NTRK3: variants seen among roughly 807,000 people sequenced by gnomAD.
The protein encoded by NTRK3 is NT-3 growth factor receptor.
NTRK3 carries 24 observed loss-of-function variants against 91.7 expected under a neutral mutation model. The ratio of observed to expected loss-of-function variants is 0.26; its 90% CI spans 0.19 to 0.37. The LOEUF is 0.37. Among genes scored for constraint, NTRK3 ranks in the 10% least tolerant of loss-of-function variants. The pLI is 1.00. For synonymous variants in NTRK3, 483 were observed against 404.0 expected (o/e 1.20, Z -2.34); for missense variants, 880 against 1,068.9 (o/e 0.82, Z 2.46).
chr15:88,050,232 C>T (rs987935411), intron 13 of NTRK3, among the ~76,000 whole-genome samples: 2 of 152,054 alleles, frequency 1.3e-5, no homozygotes, highest in African/African-American at 2.4e-5. Context: ...GCACGTGTGT[C>T]CCAGGCTATA....
Position 87,877,139 on chromosome 15 carries a change from C to A in NTRK3, c.2293-19G>T, listed in dbSNP as rs781034625. The stretch of plus-strand genomic sequence containing the variant: ...CAATGACCTGAAAGAGTGAGAAGAA[C>A]AAGGAAGTTACACCCAAAGCTCAGC... On this transcript the variant is annotated intron_variant, in intron 18 of 18. Coordinates refer to ENST00000394480, the Ensembl canonical transcript of NTRK3. 1.9e-5 allele frequency: 31 copies of A among 1,613,008 alleles called. No individual in the cohort carries two copies. The South Asian group carries it at 3.1e-4, about 16-fold the overall frequency.
chr15:88,244,531 G>C (rs1402766891), intron 3 of NTRK3, among the ~76,000 whole-genome samples: 1 of 150,566 alleles, frequency 6.6e-6, no homozygotes, highest in South Asian at 2.1e-4. Flanking sequence ...GAATCAAGCT[G>C]GTTTGCCATG....
At chr15:88,141,457 G>A (rs1403057421) in intron 6 of NTRK3, among the ~76,000 whole-genome samples, 1 of 152,242 alleles carries the variant, frequency 6.6e-6, no homozygotes, top group Non-Finnish European at 1.5e-5. Flanking sequence ...TGCAGGGGCT[G>A]CAAGGAGAGG....
intron 13 of NTRK3, among the ~76,000 whole-genome samples, chr15:88,107,237 G>A (rs1173527107): frequency 6.6e-6 from 1 of 152,208 alleles, no homozygotes; most frequent in East Asian, 1.9e-4. Context: ...GAGCTCAGGA[G>A]TTCAGGACCA....
chr15:87,962,466 G>A (rs899988153), intron 14 of NTRK3, among the ~76,000 whole-genome samples: 10 of 152,214 alleles, frequency 6.6e-5, no homozygotes, highest in African/African-American at 2.2e-4. Context: ...TGCTGTCACC[G>A]CTGAGGGCTG....
chr15:88,091,319 AG>A (rs769156204), intron 13 of NTRK3, among the ~76,000 whole-genome samples: 11 of 152,356 alleles, frequency 7.2e-5, no homozygotes, highest in Admixed American at 1.3e-4. Context: ...GTCATGTCAA[AG>A]GTCAACCCTG....
intron 14 of NTRK3, among the ~76,000 whole-genome samples, chr15:87,983,179 C>G (rs1472889752): frequency 6.6e-6 from 1 of 152,238 alleles, no homozygotes; most frequent in Non-Finnish European, 1.5e-5. Flanking sequence ...ACCCTTAGCA[C>G]TGACATAGCA....
intron 14 of NTRK3, among the ~76,000 whole-genome samples, chr15:87,992,688 C>T (rs2075383071): frequency 6.6e-6 from 1 of 152,214 alleles, no homozygotes; most frequent in Admixed American, 6.5e-5. Flanking sequence ...TGGTATGGAC[C>T]CTGGTTTGTG....
intron 13 of NTRK3, among the ~76,000 whole-genome samples, chr15:88,059,049 A>AACACAC (rs56706510): frequency 1.6e-4 from 23 of 144,718 alleles, no homozygotes; most frequent in East Asian, 8.2e-4. Context: ...CTCACACACA[A>AACACAC]ACACACACAC....
intron 14 of NTRK3, among the ~76,000 whole-genome samples, chr15:87,950,860 C>T (rs1319748415): frequency 6.6e-6 from 1 of 152,170 alleles, no homozygotes; most frequent in African/African-American, 2.4e-5. Flanking sequence ...GTGCTTACTG[C>T]ATGGAGTTTT....
chr15:88,025,036 C>G (rs2077911504), intron 14 of NTRK3, among the ~76,000 whole-genome samples: 2 of 152,172 alleles, frequency 1.3e-5, no homozygotes, highest in South Asian at 4.1e-4. Context: ...GGTACAATCA[C>G]ACGTGTGTGG....
intron 3 of NTRK3, among the ~76,000 whole-genome samples, chr15:88,193,973 T>C (rs1187393846): frequency 1.3e-5 from 2 of 152,200 alleles, no homozygotes; most frequent in Non-Finnish European, 2.9e-5. Context: ...CCATCCTAGT[T>C]TGTCTTCGAT....
rs150726257 is a variant in NTRK3 at position 88,234,154 on chromosome 15, C to T, written c.248+21752G>A. On this transcript the variant is annotated intron_variant, in intron 3 of 18. Transcript: ENST00000394480. The surrounding 1 kb of genome is among the most constrained non-coding windows in gnomAD (Gnocchi z 6.1). ...GCAGCCTGGACCTTCAGTCAGGAGACGATGGACAGCACCCTAGTCCAATCA... is the reference window on the plus strand; with the variant it reads ...GCAGCCTGGACCTTCAGTCAGGAGATGATGGACAGCACCCTAGTCCAATCA... Among the ~76,000 whole-genome samples the T allele has an allele frequency of 5.1e-4, 78 of 152,156 alleles. 2 individuals are homozygous for T. The highest frequency in any genetic ancestry group is 1.7e-3 in the African/African-American group (70 of 41,522).
chr15:87,885,713 T>C, intron 17 of NTRK3: 1 of 1,392,104 alleles, frequency 7.2e-7, no homozygotes, highest in Non-Finnish European at 9.6e-7. Context: ...TATACAAAAA[T>C]CATTTCCAGA....
intron 3 of NTRK3, among the ~76,000 whole-genome samples, chr15:88,223,797 A>C (rs1359282180): frequency 6.6e-6 from 1 of 152,190 alleles, no homozygotes; most frequent in Non-Finnish European, 1.5e-5. Context: ...GTTATTCACA[A>C]GGTAGTAGCA....
chr15:88,256,476 C>G (rs1426017813), exon 2 of NTRK3: 1 of 521,694 alleles, frequency 1.9e-6, no homozygotes, highest in Non-Finnish European at 3.3e-6. Flanking sequence ...GCGCGCTCTC[C>G]GACTCCGAGA....
At chr15:88,042,867 G>C (rs2079785377) in intron 13 of NTRK3, among the ~76,000 whole-genome samples, 1 of 152,190 alleles carries the variant, frequency 6.6e-6, no homozygotes, top group South Asian at 2.1e-4. Context: ...ATGGTAAACA[G>C]ATCCACGTCT....
intron 14 of NTRK3, chr15:87,979,354 AT>A (rs1364329085): frequency 6.2e-7 from 1 of 1,612,268 alleles, no homozygotes; most frequent in Non-Finnish European, 8.5e-7. Flanking sequence ...TTTAAAAGCC[AT>A]GACGTCCTTT....
intron 17 of NTRK3, among the ~76,000 whole-genome samples, chr15:87,898,514 G>A (rs16940994): frequency 0.069 from 10,453 of 152,162 alleles, 480 homozygotes; most frequent in South Asian, 0.14. Flanking sequence ...AGTTTTCTAC[G>A]GTGGACTAGG....
Sources: allele counts gnomAD v4.1 joint callset (sites outside exome capture counted in the v4.1 genomes callset), GRCh38; gene constraint gnomAD v4.1.1; non-coding constraint Gnocchi (gnomAD v3.1); transcripts MANE v1.5; gene names NCBI Gene and HGNC (gene_info 2026-07-23, HGNC 2026-07-21).